Variants in TRPM3 observed in about 807,000 individuals in gnomAD.
The protein encoded by TRPM3 is transient receptor potential cation channel subfamily M member 3.
Under a neutral mutation model 181.2 loss-of-function variants are expected in TRPM3, and 77 were observed. The ratio of observed to expected loss-of-function variants is 0.42; its 90% confidence interval spans 0.35 to 0.51. The LOEUF (loss-of-function observed/expected upper bound fraction) is 0.51. TRPM3 is among the 20% of genes least tolerant of loss of function. The pLI is 0.01. For missense variants in TRPM3, 1,759 were observed against 2,196.7 expected, an observed-to-expected ratio of 0.80 and a Z score of 3.98; for synonymous variants, 745 against 796.4, an observed-to-expected ratio of 0.94 and a Z score of 1.09.
At chr9:70,776,435 T>G (rs2081372152) in intron 7 of TRPM3, 1 of 714,004 alleles carries the variant, frequency 1.4e-6, no homozygotes. Context: ...TAAATACCTT[T>G]GCTTTCCTCT....
chr9:70,579,224 C>T (rs1365864705), intron 22 of TRPM3: 1 of 152,134 alleles, frequency 6.6e-6, no homozygotes, highest in Non-Finnish European at 1.5e-5. Flanking sequence ...AGGCGTGATC[C>T]CACGACCCAT....
chr9:70,639,115 C>T lies in TRPM3; in HGVS notation c.1526G>A (p.Gly509Glu). The T allele has an allele frequency of 6.2e-7, 1 of 1,614,040 alleles. No homozygotes were observed. Among genetic ancestry groups the T allele is most frequent in the Non-Finnish European group, 8.5e-7 (1 of 1,179,936 alleles). Residue 509 changes from glycine (G) to glutamate (E), a missense_variant, in exon 11 of 26, where the codon GGA (glycine) becomes GAA (glutamate). By Grantham distance (98) the Gly-to-Glu change is moderately conservative (BLOSUM62 -2). Coordinates refer to ENST00000677713, the MANE Select transcript of TRPM3 (RefSeq NM_001366145.2). ...VDFVKLLIEN[G>E]VSMHRFLTIS... ...GGTGAGAAAACGGTGCATGCTTACT[C>T]CATTCTCTATGAGTAATTTCACAAA...
intron 8 of TRPM3, among the ~76,000 whole-genome samples, chr9:70,753,811 C>T (rs573307289): frequency 2.0e-4 from 29 of 145,954 alleles, no homozygotes; most frequent in African/African-American, 7.5e-4. Flanking sequence ...TGAGTGGAGG[C>T]ATGATTCCCA....
intron 1 of TRPM3, among the ~76,000 whole-genome samples, chr9:70,868,528 T>C (rs2095706587): frequency 6.6e-6 from 1 of 152,082 alleles, no homozygotes; most frequent in Non-Finnish European, 1.5e-5. Flanking sequence ...CCCAAACTAC[T>C]TTGAATCTTC....
rs78658695 is a variant in TRPM3, at chr9:70,836,374, C to A, written c.801+6629G>T. 6.9e-3 allele frequency among the ~76,000 whole-genome samples: 1,050 copies of A among 152,220 alleles called. 11 individuals are homozygous for A. Among genetic ancestry groups the A allele is most frequent in the African/African-American group, 0.024 (1,004 of 41,534 alleles). ...CTCCCTTTGGCTACCTGGATCTCTC[C>A]CCCTCACAACCAAAACCTCTAAGAG... On this transcript the variant is annotated intron_variant, in intron 5 of 25. Coordinates refer to ENST00000677713, the MANE Select transcript of TRPM3 (RefSeq NM_001366145.2).
chr9:71,160,381 T>C (rs1044683475), intron 1 of TRPM3, among the ~76,000 whole-genome samples: 3 of 152,142 alleles, frequency 2.0e-5, no homozygotes, highest in African/African-American at 7.2e-5. Context: ...ATGATCATTG[T>C]TTATCATTTA....
At chr9:71,420,299 C>A (rs1274383856) in intron 1 of TRPM3, among the ~76,000 whole-genome samples, 1 of 151,898 alleles carries the variant, frequency 6.6e-6, no homozygotes, top group African/African-American at 2.4e-5. Context: ...CTGTTGACCA[C>A]TTCCCTCTCA....
At chr9:70,777,992 GACAC>G (rs71367226) in intron 7 of TRPM3, among the ~76,000 whole-genome samples, 5,103 of 135,386 alleles carry the variant, frequency 0.038, 87 homozygotes, top group Middle Eastern at 0.062. Context: ...AACAGACACA[GACAC>G]ACACACACAC....
intron 1 of TRPM3, among the ~76,000 whole-genome samples, chr9:71,170,000 CAAAAA>C (rs34087746): frequency 1.7e-4 from 13 of 77,136 alleles, no homozygotes; most frequent in South Asian, 1.7e-3. Flanking sequence ...GACTCTGTCT[CAAAAA>C]AAAAAAAAAA....
chr9:70,987,670 A>G (rs1407681401), intron 1 of TRPM3, among the ~76,000 whole-genome samples: 1 of 152,148 alleles, frequency 6.6e-6, no homozygotes, highest in Non-Finnish European at 1.5e-5. Flanking sequence ...AGTCATATAC[A>G]TACTATAAGA....
chr9:71,044,167 A>T (rs1424231695), intron 1 of TRPM3, among the ~76,000 whole-genome samples: 1 of 152,110 alleles, frequency 6.6e-6, no homozygotes. Flanking sequence ...GACTTTTAAA[A>T]TTTTATTTTT....
At chr9:71,349,614 G>A (rs2091486225) in intron 1 of TRPM3, among the ~76,000 whole-genome samples, 1 of 152,158 alleles carries the variant, frequency 6.6e-6, no homozygotes, top group Admixed American at 6.5e-5. Context: ...AAACCTACAT[G>A]TAAAGTTAAT....
intron 1 of TRPM3, among the ~76,000 whole-genome samples, chr9:71,006,916 G>A (rs1435385617): frequency 4.7e-5 from 7 of 149,008 alleles, no homozygotes; most frequent in Non-Finnish European, 3.0e-5. Flanking sequence ...GCGCATGCCT[G>A]TAATCCATGC....
chr9:70,830,173 A>T (rs1779907392), intron 5 of TRPM3, among the ~76,000 whole-genome samples: 1 of 152,182 alleles, frequency 6.6e-6, no homozygotes, highest in African/African-American at 2.4e-5. Context: ...GCTGGCTGAG[A>T]CGTAAGCCCA....
At chr9:71,243,076 C>T (rs2081812956) in intron 1 of TRPM3, among the ~76,000 whole-genome samples, 2 of 152,188 alleles carry the variant, frequency 1.3e-5, no homozygotes, top group African/African-American at 4.8e-5. Flanking sequence ...GAGTCTTGCT[C>T]TGTTACCCAG....
chr9:71,373,309 C>T (rs200124571), intron 1 of TRPM3, among the ~76,000 whole-genome samples: 1 of 93,174 alleles, frequency 1.1e-5, no homozygotes, highest in South Asian at 4.4e-4. Context: ...ATGAAAAACC[C>T]TTAAAAAAAA....
intron 1 of TRPM3, among the ~76,000 whole-genome samples, chr9:71,282,059 G>GAT (rs2084755198): frequency 9.9e-6 from 1 of 101,364 alleles, no homozygotes; most frequent in Non-Finnish European, 2.1e-5. Context: ...AAAACAGAAA[G>GAT]AGAGAAAGAA....
Position 70,804,773 on chromosome 9 carries a change from C to T in TRPM3, c.974-20494G>A, listed in dbSNP as rs60052348. On this transcript the variant is annotated intron_variant, in intron 6 of 25. Coordinates refer to ENST00000677713, the MANE Select transcript of TRPM3 (RefSeq NM_001366145.2). ...AAATTTCGGCTCCTACTCTGCACTC[C>T]CTTTCTGCCTTCTCTTCTTTCTATC... Among the ~76,000 whole-genome samples, 27 of 152,288 alleles carry T rather than the reference C, an allele frequency of 1.8e-4. 1 individual carries two copies. In the East Asian group the frequency reaches 5.2e-3, roughly 29 times the overall value.
intron 1 of TRPM3, among the ~76,000 whole-genome samples, chr9:71,236,805 G>T (rs2131940267): frequency 6.6e-6 from 1 of 152,340 alleles, no homozygotes; most frequent in South Asian, 2.1e-4. Flanking sequence ...CCAGCACTTT[G>T]GGAGGCAGAA....
Sources: allele counts gnomAD v4.1 joint callset (sites outside exome capture counted in the v4.1 genomes callset), GRCh38; gene constraint gnomAD v4.1.1; transcripts MANE v1.5; gene names NCBI Gene and HGNC (gene_info 2026-07-23, HGNC 2026-07-21).